Variants in EYA2 observed in about 807,000 individuals in gnomAD.
EYA2 encodes protein phosphatase EYA2.
Under a neutral mutation model 69.2 loss-of-function variants are expected in EYA2, and 31 were observed. The observed-to-expected ratio is 0.45, with a 90% confidence interval of 0.34 to 0.60. EYA2 has a LOEUF of 0.60. Ranked by LOEUF, EYA2 falls within the 20% of genes least tolerant of loss-of-function variation. EYA2 has a pLI of 0.02. For missense variants in EYA2, 622 were observed against 701.2 expected, an observed-to-expected ratio of 0.89 and a Z score of 1.28; for synonymous variants, 257 against 279.4, an observed-to-expected ratio of 0.92 and a Z score of 0.80.
intron 1 of EYA2, among the ~76,000 whole-genome samples, chr20:46,950,716 G>C (rs1360520065): frequency 6.6e-6 from 1 of 152,214 alleles, no homozygotes; most frequent in Non-Finnish European, 1.5e-5. Flanking sequence ...CACAGCTTTA[G>C]CAGAGGCCCC....
intron 5 of EYA2, among the ~76,000 whole-genome samples, chr20:47,065,837 C>T (rs1027564663): frequency 2.6e-5 from 4 of 152,276 alleles, no homozygotes; most frequent in Admixed American, 6.5e-5. Context: ...AGCATCACTG[C>T]GTCTTTGTCT....
At chr20:47,066,714 G>A (rs1568756556) in intron 5 of EYA2, among the ~76,000 whole-genome samples, 1 of 152,158 alleles carries the variant, frequency 6.6e-6, no homozygotes, top group Admixed American at 6.5e-5. Flanking sequence ...ATTCTAATCA[G>A]CCATGTGCTC....
intron 7 of EYA2, among the ~76,000 whole-genome samples, chr20:47,088,312 G>A (rs1423286547): frequency 1.3e-4 from 20 of 152,352 alleles, no homozygotes; most frequent in East Asian, 1.9e-4. Context: ...TCCTTCCCAT[G>A]CAGCCCCCGT....
chr20:47,094,101 A>G (rs372034325), intron 8 of EYA2, among the ~76,000 whole-genome samples: 15 of 152,356 alleles, frequency 9.8e-5, no homozygotes, highest in African/African-American at 3.6e-4. Flanking sequence ...CAGAATGGCC[A>G]CCAGGAACTT....
chr20:46,928,863 G>A (rs982465979), intron 1 of EYA2, among the ~76,000 whole-genome samples: 8 of 152,266 alleles, frequency 5.3e-5, no homozygotes, highest in East Asian at 1.9e-4. Context: ...TGTGTGGCCC[G>A]GAAGCGGTGC....
In EYA2 at chr20:47,188,370, G is replaced by A. The variant is rs374328750; in HGVS notation, c.*237G>A. On this transcript the variant is annotated 3_prime_UTR_variant, in exon 16 of 16. Coordinates refer to ENST00000327619, the MANE Select transcript of EYA2 (RefSeq NM_005244.5). ...TGACTTTGGGGAAAAGGGCTGGCTC[G>A]GAGTCTAGACTCTTCTGTAAGACTC... 34 of 600,702 alleles carry A rather than the reference G, an allele frequency of 5.7e-5. No individual in the cohort carries two copies. Among genetic ancestry groups the A allele is most frequent in the South Asian group, 2.0e-4 (10 of 50,394 alleles). 37.2% of individuals were successfully genotyped at this position (600,702 alleles called of 1,614,324 possible).
intron 9 of EYA2, among the ~76,000 whole-genome samples, chr20:47,115,611 C>T (rs1282477206): frequency 6.6e-6 from 1 of 152,058 alleles, no homozygotes. Context: ...CTCCAGCTCC[C>T]CCACCACCTC....
chr20:47,057,258 A>G (rs921920918), intron 5 of EYA2, among the ~76,000 whole-genome samples: 5 of 152,172 alleles, frequency 3.3e-5, no homozygotes, highest in Admixed American at 1.3e-4. Flanking sequence ...AGTGAATGAA[A>G]GGTTTGCCCA....
intron 1 of EYA2, chr20:46,901,100 G>T (rs1984081060): frequency 6.6e-6 from 1 of 152,122 alleles, no homozygotes; most frequent in Admixed American, 6.5e-5. Flanking sequence ...ATTTGACTTG[G>T]GTCCTCAAGG....
At position 47,188,272 on chromosome 20, in the gene EYA2, A is replaced by G. The variant is rs901577432; in HGVS notation, c.*139A>G. On this transcript the variant is annotated 3_prime_UTR_variant, in exon 16 of 16. Transcript: ENST00000327619. Reference sequence around the variant, plus strand: ...AGCCGAGACGACGTGTCCAGTGACCATCTCAGAAGCCGTCCATCAGTCCAA... The same window carrying G: ...AGCCGAGACGACGTGTCCAGTGACCGTCTCAGAAGCCGTCCATCAGTCCAA... The G allele has an allele frequency of 1.6e-4, 117 of 731,346 alleles. No homozygotes were observed. The highest frequency in any genetic ancestry group is 7.7e-4 in the Admixed American group (34 of 43,946). The allele number at this position is 731,346 out of a possible 1,614,324, so 45.3% of individuals were successfully genotyped here.
intron 1 of EYA2, among the ~76,000 whole-genome samples, chr20:46,955,345 AGGCCTCACACCT>A (rs1262853176): frequency 6.6e-6 from 1 of 152,208 alleles, no homozygotes; most frequent in Non-Finnish European, 1.5e-5. Flanking sequence ...TGTGTCAGCC[AGGCCTCACACCT>A]GGCACTTAGA....
Position 46,934,350 on chromosome 20 carries a change from C to T in EYA2, c.-11+39363C>T, listed in dbSNP as rs1985811311. 2.2e-5 allele frequency among the ~76,000 whole-genome samples: 3 copies of T among 133,460 alleles called. No individual in the cohort carries two copies. In the South Asian group the frequency reaches 7.4e-4, roughly 33 times the overall value. 87.6% of individuals were successfully genotyped at this position (133,460 alleles called of 152,430 possible). ...TTCCTCTGTGTCACCTTCCTCCTGG[C>T]CAGCTTCCTTGTCGTGGTGGTCCCC... is the stretch of plus-strand genomic sequence containing the variant. On this transcript the variant is annotated intron_variant, in intron 1 of 15. Coordinates refer to ENST00000327619, the MANE Select transcript of EYA2 (RefSeq NM_005244.5).
intron 9 of EYA2, among the ~76,000 whole-genome samples, chr20:47,120,068 C>T (rs894238691): frequency 6.6e-6 from 1 of 152,124 alleles, no homozygotes; most frequent in African/African-American, 2.4e-5. Flanking sequence ...TTAGCCGGGG[C>T]ATGGTGGCAC....
intron 9 of EYA2, among the ~76,000 whole-genome samples, chr20:47,135,280 T>C (rs1422215259): frequency 6.6e-6 from 1 of 152,070 alleles, no homozygotes; most frequent in Admixed American, 6.6e-5. Context: ...CAAAAACGTA[T>C]TTAATCTTTA....
At chr20:47,168,203 T>A (rs2034245027) in intron 10 of EYA2, among the ~76,000 whole-genome samples, 1 of 151,248 alleles carries the variant, frequency 6.6e-6, no homozygotes, top group Admixed American at 6.6e-5. Flanking sequence ...GTTTTTTTGT[T>A]TTTTTTGAGA....
intron 1 of EYA2, among the ~76,000 whole-genome samples, chr20:46,926,330 G>A (rs1568669869): frequency 6.6e-6 from 1 of 152,172 alleles, no homozygotes; most frequent in African/African-American, 2.4e-5. Flanking sequence ...CTCATGATCT[G>A]CCATTTGCAA....
At chr20:47,119,948 C>T (rs1399048334) in intron 9 of EYA2, among the ~76,000 whole-genome samples, 1 of 152,094 alleles carries the variant, frequency 6.6e-6, no homozygotes, top group Non-Finnish European at 1.5e-5. Flanking sequence ...TGGCTCATGC[C>T]TGTAATCCCA....
chr20:47,180,280 C>G (rs1218471757), intron 13 of EYA2, among the ~76,000 whole-genome samples: 1 of 152,178 alleles, frequency 6.6e-6, no homozygotes, highest in Non-Finnish European at 1.5e-5. Flanking sequence ...ATCCACCCGC[C>G]TCGGCCTCCC....
At chr20:47,167,883 C>T (rs1428005806) in intron 10 of EYA2, among the ~76,000 whole-genome samples, 1 of 152,208 alleles carries the variant, frequency 6.6e-6, no homozygotes, top group Non-Finnish European at 1.5e-5. Flanking sequence ...TTATTCGGCC[C>T]AGCACAGTCA....
Sources: gnomAD v4.1 joint callset for allele counts (sites outside exome capture counted in the v4.1 genomes callset) on GRCh38, gnomAD v4.1.1 for gene constraint, MANE v1.5 for transcripts, NCBI Gene and HGNC (gene_info 2026-07-23, HGNC 2026-07-21) for gene names.